FTO: variants seen among roughly 807,000 people sequenced by gnomAD.
FTO encodes the protein alpha-ketoglutarate-dependent dioxygenase FTO.
Under a neutral mutation model 63.9 loss-of-function variants are expected in FTO, and 47 were observed. The observed-to-expected ratio is 0.74, with a 90% confidence interval of 0.58 to 0.94. The LOEUF is 0.94. Ranked by LOEUF, FTO falls within the 40% of genes least tolerant of loss-of-function variation. The pLI, the probability that FTO is intolerant of heterozygous loss-of-function variation, is 0.00. For synonymous variants in FTO, 207 were observed against 224.4 expected (o/e 0.92, Z 0.69); for missense variants, 562 against 618.1 (o/e 0.91, Z 0.96).
In FTO at chr16:53,972,374, A is replaced by G. The variant is rs1385745728; in HGVS notation, c.1364+38265A>G. Among the ~76,000 whole-genome samples, 53 of 152,174 alleles carry G rather than the reference A, an allele frequency of 3.5e-4. 3 individuals carry two copies. The highest frequency in any genetic ancestry group is 3.5e-3 in the Admixed American group (53 of 15,282). On this transcript the variant is annotated intron_variant, in intron 8 of 8. Transcript: ENST00000471389. ...ATATCATCCTTCATCTCTCTGAACTAAAAATGAGTTTTTTATTTCTAGTAA... is the reference window on the plus strand; with the variant it reads ...ATATCATCCTTCATCTCTCTGAACTGAAAATGAGTTTTTTATTTCTAGTAA...
chr16:53,856,640 C>T (rs1217997581), intron 4 of FTO, among the ~76,000 whole-genome samples: 1 of 100,330 alleles, frequency 1.0e-5, no homozygotes, highest in Non-Finnish European at 1.8e-5. Context: ...ATCCCAGCTA[C>T]TCGAGAGGCT....
chr16:53,856,102 T>C (rs1203595898), intron 4 of FTO, among the ~76,000 whole-genome samples: 1 of 152,158 alleles, frequency 6.6e-6, no homozygotes, highest in Admixed American at 6.5e-5. Flanking sequence ...AAATTTTTTT[T>C]TTTAGGCCTT....
chr16:54,081,663 G>C (rs1248091069), intron 8 of FTO, among the ~76,000 whole-genome samples: 1 of 152,114 alleles, frequency 6.6e-6, no homozygotes, highest in Non-Finnish European at 1.5e-5. Context: ...TGGAGATAGG[G>C]CATGTGTAGG....
intron 1 of FTO, among the ~76,000 whole-genome samples, chr16:53,715,048 A>G (rs892515723): frequency 6.6e-5 from 10 of 152,138 alleles, no homozygotes; most frequent in African/African-American, 2.4e-4. Context: ...ATCCTCTGTA[A>G]AATTACTTTT....
chr16:53,836,083 G>T (rs1048871052), intron 3 of FTO, among the ~76,000 whole-genome samples: 4 of 151,954 alleles, frequency 2.6e-5, no homozygotes, highest in African/African-American at 4.8e-5. Flanking sequence ...TAGAGACAAG[G>T]TTTCACCATA....
intron 7 of FTO, among the ~76,000 whole-genome samples, chr16:53,900,108 G>A (rs2081364506): frequency 6.6e-6 from 1 of 152,132 alleles, no homozygotes; most frequent in Non-Finnish European, 1.5e-5. Flanking sequence ...TCTCCCTTTT[G>A]TCCTGAGACA....
chr16:53,929,078 G>C (rs2082219290), intron 7 of FTO, among the ~76,000 whole-genome samples: 1 of 152,088 alleles, frequency 6.6e-6, no homozygotes, highest in African/African-American at 2.4e-5. Flanking sequence ...ACTGATCTCA[G>C]ATGATCTACC....
chr16:53,897,249 C>A (rs2081299602), intron 7 of FTO, among the ~76,000 whole-genome samples: 1 of 152,086 alleles, frequency 6.6e-6, no homozygotes, highest in Non-Finnish European at 1.5e-5. Context: ...CTGTGACAGT[C>A]TCAATTGTAA....
At chr16:53,707,925 T>C (rs1304140250) in intron 1 of FTO, among the ~76,000 whole-genome samples, 2 of 152,264 alleles carry the variant, frequency 1.3e-5, no homozygotes, top group Non-Finnish European at 2.9e-5. Context: ...CTCTGTTCTT[T>C]AGATTTGCCT....
In FTO at chr16:54,112,081, G is replaced by A. The variant is rs758255513; in HGVS notation, c.*166G>A. The A allele has an allele frequency of 2.7e-5, 19 of 704,880 alleles. No individual in the cohort carries two copies. Among genetic ancestry groups the A allele is most frequent in the Non-Finnish European group, 4.2e-5 (17 of 407,164 alleles). 43.7% of individuals were successfully genotyped at this position (704,880 alleles called of 1,614,324 possible). ...AAATGGTGCCCATGAAGTTTTAAAT[G>A]TTTTAAAATGACCCTGTGTTATAGT... On this transcript the variant is annotated 3_prime_UTR_variant, in exon 9 of 9. Coordinates refer to ENST00000471389, the MANE Select transcript of FTO (RefSeq NM_001080432.3).
intron 3 of FTO, among the ~76,000 whole-genome samples, chr16:53,826,788 C>G (rs2079019237): frequency 6.6e-6 from 1 of 152,168 alleles, no homozygotes; most frequent in African/African-American, 2.4e-5. Flanking sequence ...AGGAGAGCAG[C>G]CTCTTGGTTT....
intron 2 of FTO, among the ~76,000 whole-genome samples, chr16:53,810,596 G>A (rs1048282439): frequency 2.2e-4 from 34 of 152,072 alleles, no homozygotes; most frequent in African/African-American, 8.0e-4. Context: ...CTACCTACAA[G>A]TCAAGTTGAT....
intron 7 of FTO, among the ~76,000 whole-genome samples, chr16:53,914,134 A>T (rs1488784120): frequency 2.0e-5 from 3 of 152,076 alleles, no homozygotes; most frequent in Non-Finnish European, 4.4e-5. Context: ...CCTTTTGCTG[A>T]CTCGAAGAAG....
intron 1 of FTO, among the ~76,000 whole-genome samples, chr16:53,801,342 T>C (rs902209283): frequency 6.6e-6 from 1 of 152,168 alleles, no homozygotes; most frequent in African/African-American, 2.4e-5. Context: ...TAAAAATTTT[T>C]ACCACAATAT....
At chr16:53,750,129 G>T (rs1370721135) in intron 1 of FTO, among the ~76,000 whole-genome samples, 2 of 152,090 alleles carry the variant, frequency 1.3e-5, no homozygotes, top group Non-Finnish European at 2.9e-5. Flanking sequence ...ATTGCATTTG[G>T]CATGTTTAAT....
intron 1 of FTO, among the ~76,000 whole-genome samples, chr16:53,777,747 A>T (rs2077495025): frequency 6.6e-6 from 1 of 152,140 alleles, no homozygotes; most frequent in Admixed American, 6.5e-5. Context: ...TAAATTTCTG[A>T]TTTTTCTTGA....
At chr16:53,985,440 CAGTTTTGGTGT>C (rs1351858413) in intron 8 of FTO, among the ~76,000 whole-genome samples, 1 of 152,148 alleles carries the variant, frequency 6.6e-6, no homozygotes, top group African/African-American at 2.4e-5. Flanking sequence ...GGAATTGCCA[CAGTTTTGGTGT>C]AGGATGACCA....
At chr16:53,777,983 T>A (rs1175050295) in intron 1 of FTO, among the ~76,000 whole-genome samples, 2 of 152,226 alleles carry the variant, frequency 1.3e-5, no homozygotes, top group Non-Finnish European at 2.9e-5. Context: ...CATTTTACTT[T>A]AGTATTTATC....
chr16:53,748,398 C>T (rs1020495718), intron 1 of FTO, among the ~76,000 whole-genome samples: 1 of 151,884 alleles, frequency 6.6e-6, no homozygotes, highest in Non-Finnish European at 1.5e-5. Flanking sequence ...TAAATTTATT[C>T]CTAAGTATTA....
Sources: gnomAD v4.1 joint callset for allele counts (sites outside exome capture counted in the v4.1 genomes callset) on GRCh38, gnomAD v4.1.1 for gene constraint, MANE v1.5 for transcripts, NCBI Gene and HGNC (gene_info 2026-07-23, HGNC 2026-07-21) for gene names.